NRXN1: variants seen among roughly 807,000 people sequenced by gnomAD.
NRXN1 encodes neurexin-1.
In NRXN1, 39 loss-of-function variants were observed where a neutral mutation model predicts 150.9. The observed-to-expected ratio is 0.26, with a 90% CI of 0.20 to 0.34. The LOEUF (loss-of-function observed/expected upper bound fraction) is 0.34, where lower values mean the gene tolerates loss of function less well. Ranked by LOEUF, NRXN1 falls within the 10% of genes least tolerant of loss-of-function variation. NRXN1 has a pLI of 1.00. For missense variants in NRXN1, 1,815 were observed against 1,949.9 expected (o/e 0.93, Z 1.30); for synonymous variants, 924 against 757.0 (o/e 1.22, Z -3.62).
intron 2 of NRXN1, among the ~76,000 whole-genome samples, chr2:51,011,006 T>G (rs1386790820): frequency 6.6e-6 from 1 of 151,974 alleles, no homozygotes; most frequent in Non-Finnish European, 1.5e-5. Flanking sequence ...ACTCCTGGCC[T>G]CAAACAATTC....
At chr2:50,201,101 T>C (rs73930307) in intron 18 of NRXN1, among the ~76,000 whole-genome samples, 1 of 152,120 alleles carries the variant, frequency 6.6e-6, no homozygotes, top group Non-Finnish European at 1.5e-5. Context: ...GTGTAGCAGA[T>C]CAGTAAACAA....
chr2:50,265,204 A>G (rs973231373), intron 17 of NRXN1, among the ~76,000 whole-genome samples: 1 of 152,138 alleles, frequency 6.6e-6, no homozygotes, highest in Admixed American at 6.6e-5. Flanking sequence ...TGGTGGGAAT[A>G]TATTTGCTTA....
intron 5 of NRXN1, among the ~76,000 whole-genome samples, chr2:50,625,579 G>C (rs1012622170): frequency 5.3e-5 from 8 of 152,008 alleles, no homozygotes; most frequent in African/African-American, 1.9e-4. Flanking sequence ...TATAGTCCAG[G>C]TGTCTGCTCC....
chr2:50,327,934 C>T (rs528355499), intron 17 of NRXN1, among the ~76,000 whole-genome samples: 1 of 152,298 alleles, frequency 6.6e-6, no homozygotes, highest in East Asian at 1.9e-4. Context: ...CAGGTGTGAG[C>T]CACTGTGCCC....
intron 17 of NRXN1, among the ~76,000 whole-genome samples, chr2:50,328,218 G>A (rs995073263): frequency 6.8e-6 from 1 of 146,082 alleles, no homozygotes; most frequent in South Asian, 2.2e-4. Context: ...AATTTTTTTT[G>A]TTTTTTTTTT....
Position 51,028,081 on chromosome 2 carries a change from C to T in NRXN1, c.193G>A (p.Gly65Ser), listed in dbSNP as rs1404175088. Residue 65 changes from glycine to serine, a missense_variant, in exon 2 of 23, where the codon GGC becomes AGC. This residue lies in a region of NRXN1 where 554 missense variants were observed against 478.8 expected (regional missense o/e 1.16). Coordinates refer to ENST00000401669, the MANE Select transcript of NRXN1 (RefSeq NM_001330078.2). ...SFQLKTRSAR[G>S]LVLYFDDEGF... is the part of the protein sequence containing the mutation. ...TCGTCGTCGAAGTAGAGCACGAGGCCGCGGGCGCTGCGAGTCTTGAGCTGG... is the reference window on the plus strand; with the variant it reads ...TCGTCGTCGAAGTAGAGCACGAGGCTGCGGGCGCTGCGAGTCTTGAGCTGG... 3 of 1,589,078 alleles carry T rather than the reference C, an allele frequency of 1.9e-6. No individual in the cohort carries two copies. The highest frequency in any genetic ancestry group is 1.7e-6 in the Non-Finnish European group (2 of 1,171,080).
rs1020156635 is a variant in NRXN1 at position 50,086,799 on chromosome 2, GA to G, written c.3718+4523del. 3.0e-4 allele frequency among the ~76,000 whole-genome samples: 45 copies of G among 149,278 alleles called. 1 individual carries two copies. Among genetic ancestry groups the G allele is most frequent in the Admixed American group, 2.7e-4 (4 of 15,020 alleles). ...GAATAATTGCTGGTTAAAAGAGAGA[GA>G]GGGGGAGAGGCAGAGAAGAATGAGA... On this transcript the variant is annotated intron_variant, in intron 19 of 22. Coordinates refer to ENST00000401669, the MANE Select transcript of NRXN1 (RefSeq NM_001330078.2).
chr2:50,329,762 C>T (rs1286308238), intron 17 of NRXN1, among the ~76,000 whole-genome samples: 1 of 147,572 alleles, frequency 6.8e-6, no homozygotes, highest in Admixed American at 6.9e-5. Flanking sequence ...CAACCTCCAC[C>T]TCCCAGGTTC....
At chr2:50,683,901 G>C (rs1434396339) in intron 5 of NRXN1, among the ~76,000 whole-genome samples, 2 of 151,294 alleles carry the variant, frequency 1.3e-5, no homozygotes, top group Non-Finnish European at 1.5e-5. Flanking sequence ...AGCAAGAAAA[G>C]TTTTCTTGCA....
chr2:50,158,507 C>T (rs910749632), intron 18 of NRXN1, among the ~76,000 whole-genome samples: 2 of 151,940 alleles, frequency 1.3e-5, no homozygotes, highest in South Asian at 4.2e-4. Flanking sequence ...ACATTGTTAT[C>T]CCAATGTTAA....
chr2:50,517,021 T>C (rs991282707), intron 12 of NRXN1, among the ~76,000 whole-genome samples: 1 of 152,192 alleles, frequency 6.6e-6, no homozygotes, highest in Non-Finnish European at 1.5e-5. Flanking sequence ...ACACAGACTG[T>C]TGAGTTTTAT....
In NRXN1 at chr2:50,322,016, C is replaced by G. The variant is rs1391637876; in HGVS notation, c.3365-85046G>C. Among the ~76,000 whole-genome samples, 6 of 135,048 alleles carry G rather than the reference C, an allele frequency of 4.4e-5. 1 individual carries two copies. In the South Asian group the frequency reaches 7.0e-4, roughly 16 times the overall value. 88.6% of individuals were successfully genotyped at this position (135,048 alleles called of 152,430 possible). On this transcript the variant is annotated intron_variant, in intron 17 of 22. Transcript: ENST00000401669. ...AAAGTGGTCTACCTGTGATCACAGA[C>G]GTAAAAAATTACAACATCAAAAAAA...
intron 17 of NRXN1, among the ~76,000 whole-genome samples, chr2:50,447,816 G>A (rs2104507136): frequency 8.1e-6 from 1 of 124,202 alleles, no homozygotes; most frequent in South Asian, 2.5e-4. Flanking sequence ...CCTGCTTATG[G>A]CTTCTTCAGT....
intron 2 of NRXN1, among the ~76,000 whole-genome samples, chr2:50,943,792 T>C (rs1264717781): frequency 1.3e-5 from 2 of 152,090 alleles, no homozygotes; most frequent in African/African-American, 2.4e-5. Context: ...AATAACTTTT[T>C]TCTGAAAATA....
intron 18 of NRXN1, among the ~76,000 whole-genome samples, chr2:50,168,391 T>G (rs866414578): frequency 6.6e-6 from 1 of 152,206 alleles, no homozygotes; most frequent in Non-Finnish European, 1.5e-5. Context: ...TACTTTACCT[T>G]GGCTGAAACT....
intron 2 of NRXN1, chr2:50,985,493 T>C (rs903680285): frequency 6.6e-6 from 1 of 151,524 alleles, no homozygotes; most frequent in Non-Finnish European, 1.5e-5. Flanking sequence ...ACTCAAGCAA[T>C]CCAACATCAA....
intron 18 of NRXN1, among the ~76,000 whole-genome samples, chr2:50,121,752 A>C (rs947588403): frequency 6.6e-6 from 1 of 152,148 alleles, no homozygotes; most frequent in Admixed American, 6.5e-5. Flanking sequence ...TTGTTATTGG[A>C]AGAAAACATC....
intron 5 of NRXN1, among the ~76,000 whole-genome samples, chr2:50,828,678 G>A (rs1355879764): frequency 2.0e-5 from 3 of 151,764 alleles, no homozygotes; most frequent in East Asian, 2.0e-4. Flanking sequence ...GATGGCGGCC[G>A]GGAAGAGGTG....
chr2:50,806,721 CT>C (rs1477619449), intron 5 of NRXN1, among the ~76,000 whole-genome samples: 1 of 152,092 alleles, frequency 6.6e-6, no homozygotes, highest in African/African-American at 2.4e-5. Flanking sequence ...TTGATGGTTT[CT>C]TTTCCACTCT....
Sources: gnomAD v4.1 joint callset for allele counts (sites outside exome capture counted in the v4.1 genomes callset) on GRCh38, gnomAD v4.1.1 for gene constraint, gnomAD v4.1.1 regional missense constraint, MANE v1.5 for transcripts, NCBI Gene and HGNC (gene_info 2026-07-23, HGNC 2026-07-21) for gene names.